MYO6: variants seen among roughly 807,000 people sequenced by gnomAD.
The protein encoded by MYO6 is myosin VI, also known as unconventional myosin-VI.
In MYO6, 74 loss-of-function variants were observed where a neutral mutation model predicts 178.7. That is an observed-to-expected ratio of 0.41 (90% CI 0.34 to 0.50). MYO6 has a LOEUF of 0.50. Among genes scored for constraint, MYO6 ranks in the 20% least tolerant of loss-of-function variants. The probability of loss-of-function intolerance (pLI) is 0.09; values close to 1 mark genes in which losing one functional copy is unlikely to be tolerated. For missense variants in MYO6, 1,330 were observed against 1,547.4 expected (o/e 0.86, Z 2.36); for synonymous variants, 477 against 504.6 (o/e 0.95, Z 0.73).
rs1290431882 is a variant in MYO6 at position 75,851,615 on chromosome 6, C to T, written c.1078+3084C>T. On this transcript the variant is annotated intron_variant, in intron 11 of 34. Coordinates refer to ENST00000369977, the MANE Select transcript of MYO6 (RefSeq NM_004999.4). The stretch of plus-strand genomic sequence containing the variant: ...CTCAGGAATTCAAGACCAGCCTGGG[C>T]GACATAGTGAGACCCCATAAAAAAA... Among the ~76,000 whole-genome samples, 3 of 150,704 alleles carry T rather than the reference C, an allele frequency of 2.0e-5. No individual in the cohort carries two copies. In the East Asian group the frequency reaches 5.8e-4, roughly 29 times the overall value.
chr6:75,784,077 T>C (rs1267321670), intron 1 of MYO6, among the ~76,000 whole-genome samples: 2 of 152,176 alleles, frequency 1.3e-5, no homozygotes, highest in Non-Finnish European at 2.9e-5. Context: ...GTTCAAGTTA[T>C]TCTCCTGCCT....
At chr6:75,810,437 G>T (rs773817399) in intron 1 of MYO6, among the ~76,000 whole-genome samples, 1 of 152,168 alleles carries the variant, frequency 6.6e-6, no homozygotes, top group Non-Finnish European at 1.5e-5. Context: ...TTGCTGCAAA[G>T]AATCTGTTTT....
chr6:75,825,429 C>G (rs867102092), intron 3 of MYO6, among the ~76,000 whole-genome samples: 4 of 152,088 alleles, frequency 2.6e-5, no homozygotes, highest in Admixed American at 6.5e-5. Context: ...CCTGTCTCTA[C>G]TAAAAGTACA....
chr6:75,786,498 A>G (rs1016085533), intron 1 of MYO6, among the ~76,000 whole-genome samples: 12 of 152,244 alleles, frequency 7.9e-5, no homozygotes, highest in African/African-American at 2.9e-4. Flanking sequence ...TTTCAGTAGC[A>G]TTGAGTCTTC....
intron 1 of MYO6, among the ~76,000 whole-genome samples, chr6:75,816,878 C>T (rs192279281): frequency 6.6e-6 from 1 of 152,280 alleles, no homozygotes; most frequent in East Asian, 1.9e-4. Flanking sequence ...TTACACTCAA[C>T]TGGTAAAAAC....
intron 18 of MYO6, 117 bp from the exon 19 acceptor site, chr6:75,870,530 T>A (rs1777063589): frequency 2.5e-6 from 2 of 801,506 alleles, no homozygotes; most frequent in Admixed American, 2.0e-5. Flanking sequence ...CTGGAATGTG[T>A]TGTATTTGGA....
intron 3 of MYO6, 147 bp downstream of exon 3, chr6:75,822,998 A>G: frequency 1.5e-6 from 1 of 672,542 alleles, no homozygotes; most frequent in Non-Finnish European, 2.6e-6. Flanking sequence ...GAATGAAGGA[A>G]CTCGAGTCCT....
chr6:75,801,668 C>T lies in MYO6; in HGVS notation c.-47-15833C>T, dbSNP rs150468928. On this transcript the variant is annotated intron_variant, in intron 1 of 34. Coordinates refer to ENST00000369977, the MANE Select transcript of MYO6 (RefSeq NM_004999.4). Reference sequence around the variant, plus strand: ...GAAAAAATAATTTGAGGGCTGGGCACAGTGGCTCATGCCTGTAATCCCAGC... The same window carrying T: ...GAAAAAATAATTTGAGGGCTGGGCATAGTGGCTCATGCCTGTAATCCCAGC... 4.6e-5 allele frequency among the ~76,000 whole-genome samples: 7 copies of T among 152,250 alleles called. No individual in the cohort carries two copies. In the East Asian group the frequency reaches 1.2e-3, roughly 25 times the overall value.
Position 75,908,622 on chromosome 6 carries a change from A to G in MYO6, c.3407A>G (p.Asp1136Gly). Reference sequence around the variant, plus strand: ...CAACGTGCTCCAAAGTCTGTTACTGATTATGGTAAAGAGAAATCTGTACTT... The same window carrying G: ...CAACGTGCTCCAAAGTCTGTTACTGGTTATGGTAAAGAGAAATCTGTACTT... ...TEQRAPKSVTDYDFAPFLNNS... is the reference protein window; with the variant it reads ...TEQRAPKSVTGYDFAPFLNNS... Residue 1136 changes from aspartate (D) to glycine (G), a missense_variant, in exon 32 of 35, where the codon GAT becomes GGT. By Grantham distance (94) the Asp-to-Gly change is moderately conservative. Around this residue, in one of 3 missense-constraint regions of MYO6, gnomAD observed 601 missense variants for 626.1 expected, o/e 0.96. Coordinates refer to ENST00000369977, the MANE Select transcript of MYO6 (RefSeq NM_004999.4). The G allele has an allele frequency of 6.2e-7, 1 of 1,613,472 alleles. No individual in the cohort carries two copies. Among genetic ancestry groups the G allele is most frequent in the Non-Finnish European group, 8.5e-7 (1 of 1,179,570 alleles).
At chr6:75,821,763 C>T (rs1771901568) in intron 2 of MYO6, among the ~76,000 whole-genome samples, 1 of 152,100 alleles carries the variant, frequency 6.6e-6, no homozygotes, top group African/African-American at 2.4e-5. Flanking sequence ...TTGAGAAGTA[C>T]TGTATCAGCT....
chr6:75,795,380 C>A (rs886134063), intron 1 of MYO6, among the ~76,000 whole-genome samples: 1 of 152,110 alleles, frequency 6.6e-6, no homozygotes, highest in Non-Finnish European at 1.5e-5. Flanking sequence ...GAGATATTGC[C>A]ATGCTTTATG....
In MYO6 at chr6:75,919,064, A is replaced by G. The variant is rs1373967597; in HGVS notation, c.*4052A>G. 1 of 152,316 alleles carries G rather than the reference A, an allele frequency of 6.6e-6. No individual in the cohort carries two copies. The highest frequency in any genetic ancestry group is 2.4e-5 in the African/African-American group (1 of 41,454). The allele number at this position is 152,316 out of a possible 1,614,324, so 9.4% of individuals were successfully genotyped here. On this transcript the variant is annotated 3_prime_UTR_variant, in exon 35 of 35. Transcript: ENST00000369977. ...AACGCGGGAGGCAGAGGTTGCAGGGAGCCGAGATGGCGCCATTGCACTCCA... is the reference window on the plus strand; with the variant it reads ...AACGCGGGAGGCAGAGGTTGCAGGGGGCCGAGATGGCGCCATTGCACTCCA...
intron 29 of MYO6, among the ~76,000 whole-genome samples, chr6:75,896,259 AATAT>A (rs1779294111): frequency 6.6e-6 from 1 of 152,214 alleles, no homozygotes; most frequent in South Asian, 2.1e-4. Flanking sequence ...CTCTCCAAAC[AATAT>A]ATGTAAAGGA....
intron 1 of MYO6, among the ~76,000 whole-genome samples, chr6:75,803,042 C>T (rs1292159749): frequency 6.6e-6 from 1 of 152,084 alleles, no homozygotes; most frequent in Non-Finnish European, 1.5e-5. Context: ...ATAACGATTG[C>T]ATATATTATA....
At chr6:75,888,919 TTTTA>T (rs1778681300) in intron 25 of MYO6, among the ~76,000 whole-genome samples, 1 of 152,196 alleles carries the variant, frequency 6.6e-6, no homozygotes, top group Non-Finnish European at 1.5e-5. Context: ...TTGTTTTGAT[TTTTA>T]TTTATTTGAT....
chr6:75,810,015 C>T (rs561513020), intron 1 of MYO6, among the ~76,000 whole-genome samples: 8 of 145,140 alleles, frequency 5.5e-5, no homozygotes, highest in Admixed American at 3.5e-4. Flanking sequence ...ACCCTGGAGG[C>T]GGAGGTTTCA....
chr6:75,877,427 C>T (rs1204633538), intron 20 of MYO6, among the ~76,000 whole-genome samples: 15 of 151,980 alleles, frequency 9.9e-5, no homozygotes, highest in South Asian at 2.1e-4. Context: ...CCACCACACC[C>T]GGCTAATTCT....
rs9443196 is a variant in MYO6 at position 75,877,188 on chromosome 6, G to T, written c.2078-2632G>T. 3.5e-3 allele frequency among the ~76,000 whole-genome samples: 525 copies of T among 151,878 alleles called. 4 individuals carry two copies. The highest frequency in any genetic ancestry group is 0.012 in the African/African-American group (488 of 41,436). On this transcript the variant is annotated intron_variant, in intron 20 of 34. Coordinates refer to ENST00000369977, the MANE Select transcript of MYO6 (RefSeq NM_004999.4). ...ATGGGCTTTCTCCATGTTGAGGCTG[G>T]TCTCAAACTCCTGACCTCAGGTGAT...
intron 4 of MYO6, among the ~76,000 whole-genome samples, chr6:75,830,076 C>T (rs1445108995): frequency 1.3e-5 from 2 of 152,150 alleles, no homozygotes; most frequent in African/African-American, 4.8e-5. Context: ...AGATTTCTGT[C>T]TGTGGTGACT....
Sources: gnomAD v4.1 joint callset for allele counts (sites outside exome capture counted in the v4.1 genomes callset) on GRCh38, gnomAD v4.1.1 for gene constraint, gnomAD v4.1.1 regional missense constraint, MANE v1.5 for transcripts, NCBI Gene and HGNC (gene_info 2026-07-23, HGNC 2026-07-21) for gene names.